The following NRG1 variants were observed in gnomAD, a reference collection of about 807,000 sequenced individuals.
NRG1 encodes pro-neuregulin-1, membrane-bound isoform.
Under a neutral mutation model 63.8 loss-of-function variants are expected in NRG1, and 18 were observed. The observed-to-expected ratio is 0.28, with a 90% confidence interval of 0.19 to 0.42. The LOEUF (loss-of-function observed/expected upper bound fraction) is 0.42. NRG1 is among the 10% of genes least tolerant of loss of function. NRG1 has a pLI of 1.00. For synonymous variants in NRG1, 302 were observed against 301.3 expected, an observed-to-expected ratio of 1.00 and a Z score of -0.02; for missense variants, 762 against 814.7, an observed-to-expected ratio of 0.94 and a Z score of 0.79.
rs1019360590 is a variant in NRG1, at chr8:32,604,317, G to T, written c.279-1245G>T. Among the ~76,000 whole-genome samples, 3 of 152,140 alleles carry T rather than the reference G, an allele frequency of 2.0e-5. No homozygotes were observed. In the South Asian group the frequency reaches 6.2e-4, roughly 32 times the overall value. ...GGGTCTACATGTGGAACTTTGGGTG[G>T]TTCAATCGGATAGACTGGAGGATAC... On this transcript the variant is annotated intron_variant, in intron 2 of 11. Coordinates refer to ENST00000356819, the Ensembl canonical transcript of NRG1.
At chr8:32,442,120 C>A (rs1404534271) in intron 1 of NRG1, among the ~76,000 whole-genome samples, 2 of 152,282 alleles carry the variant, frequency 1.3e-5, no homozygotes, top group Non-Finnish European at 2.9e-5. Context: ...AATGTGATTT[C>A]TTTCTCCATC....
chr8:32,076,325 G>A (rs1339159953), intron 1 of NRG1, among the ~76,000 whole-genome samples: 1 of 152,122 alleles, frequency 6.6e-6, no homozygotes, highest in Non-Finnish European at 1.5e-5. Context: ...TTATCTCTGT[G>A]ACTGATCATG....
intron 5 of NRG1, among the ~76,000 whole-genome samples, chr8:32,660,811 T>C (rs1231023839): frequency 6.6e-6 from 1 of 152,242 alleles, no homozygotes; most frequent in African/African-American, 2.4e-5. Flanking sequence ...AGTCTCTGGC[T>C]CATAGCGCTA....
At chr8:31,847,701 G>A (rs1299372562) in intron 1 of NRG1, among the ~76,000 whole-genome samples, 3 of 152,186 alleles carry the variant, frequency 2.0e-5, no homozygotes, top group African/African-American at 7.2e-5. Context: ...ATTCATGTCT[G>A]TGAAATCCAT....
chr8:31,804,547 C>A (rs1477779987), intron 1 of NRG1, among the ~76,000 whole-genome samples: 2 of 152,074 alleles, frequency 1.3e-5, no homozygotes, highest in East Asian at 1.9e-4. Flanking sequence ...TATATTAGAA[C>A]CTGTTATATA....
chr8:32,175,167 CT>C (rs1333477912), intron 1 of NRG1, among the ~76,000 whole-genome samples: 4 of 152,188 alleles, frequency 2.6e-5, no homozygotes, highest in Admixed American at 2.6e-4. Context: ...GGATGCCAGG[CT>C]GGTTCAACAT....
At chr8:32,122,218 C>A (rs1285343172) in intron 1 of NRG1, among the ~76,000 whole-genome samples, 1 of 151,830 alleles carries the variant, frequency 6.6e-6, no homozygotes, top group Admixed American at 6.6e-5. Flanking sequence ...AACAACAGGC[C>A]AAATACCAGA....
Position 32,268,294 on chromosome 8 carries a change from G to A in NRG1, c.38-327534G>A, listed in dbSNP as rs190057584. On this transcript the variant is annotated intron_variant, in intron 1 of 10. Transcript: ENST00000519301. ...AGCATAACTGAGTCAGGATTCCTAA[G>A]CCACATAACCCGTGAGATAATAAAT... 2.8e-3 allele frequency among the ~76,000 whole-genome samples: 421 copies of A among 152,262 alleles called. 1 individual carries two copies. The highest frequency in any genetic ancestry group is 4.4e-3 in the Non-Finnish European group (297 of 68,020).
intron 1 of NRG1, among the ~76,000 whole-genome samples, chr8:32,397,506 G>C (rs1812593970): frequency 6.9e-6 from 1 of 145,004 alleles, no homozygotes; most frequent in Non-Finnish European, 1.5e-5. Context: ...TATATATGGA[G>C]GCAATCTGAC....
chr8:32,539,404 A>T (rs1213078453), intron 1 of NRG1, among the ~76,000 whole-genome samples: 3 of 152,212 alleles, frequency 2.0e-5, no homozygotes, highest in Non-Finnish European at 4.4e-5. Flanking sequence ...AAGAAGCAAG[A>T]CAGGCGATGA....
At position 32,754,365 on chromosome 8, in the gene NRG1, T is replaced by A. The variant is rs1460517547; in HGVS notation, c.692-7T>A. ...CTGTGATGACATCTGCTCTCATCCC[T>A]TTCCAGAGGCGGAGGAGCTGTACCA... On this transcript the variant is annotated splice_region_variant and splice_polypyrimidine_tract_variant and intron_variant, in intron 7 of 11. Transcript: ENST00000356819. The A allele has an allele frequency of 6.2e-7, 1 of 1,613,358 alleles. No homozygotes were observed. Among genetic ancestry groups the A allele is most frequent in the Non-Finnish European group, 8.5e-7 (1 of 1,179,686 alleles).
chr8:32,495,516 G>C (rs1233936908), intron 1 of NRG1, among the ~76,000 whole-genome samples: 1 of 152,210 alleles, frequency 6.6e-6, no homozygotes, highest in Non-Finnish European at 1.5e-5. Context: ...AGGCTGAAGT[G>C]CAGTGGTGTG....
intron 1 of NRG1, among the ~76,000 whole-genome samples, chr8:32,389,648 T>C (rs553697683): frequency 6.6e-6 from 1 of 152,300 alleles, no homozygotes; most frequent in East Asian, 1.9e-4. Flanking sequence ...GTCTCCTACT[T>C]TCTGGTCTTG....
At chr8:32,618,472 A>G (rs1847771463) in intron 5 of NRG1, among the ~76,000 whole-genome samples, 2 of 152,186 alleles carry the variant, frequency 1.3e-5, no homozygotes, top group Non-Finnish European at 1.5e-5. Flanking sequence ...TATTCATTGC[A>G]TTATCACTGA....
At chr8:31,849,213 C>G (rs1586793454) in intron 1 of NRG1, among the ~76,000 whole-genome samples, 1 of 152,158 alleles carries the variant, frequency 6.6e-6, no homozygotes, top group South Asian at 2.1e-4. Flanking sequence ...GAGTCAAGAA[C>G]AGTTAAGCCA....
chr8:32,451,066 T>G (rs17643260), intron 1 of NRG1, among the ~76,000 whole-genome samples: 26 of 152,274 alleles, frequency 1.7e-4, no homozygotes, highest in African/African-American at 6.3e-4. Context: ...CTTTGGCCTT[T>G]CAAACTATGG....
At chr8:32,086,782 A>G (rs1828284769) in intron 1 of NRG1, among the ~76,000 whole-genome samples, 1 of 152,196 alleles carries the variant, frequency 6.6e-6, no homozygotes, top group Admixed American at 6.5e-5. Context: ...AACTAACTTG[A>G]TGAAATCAAG....
intron 1 of NRG1, among the ~76,000 whole-genome samples, chr8:32,198,383 G>T (rs927183976): frequency 1.3e-5 from 2 of 152,050 alleles, no homozygotes; most frequent in Non-Finnish European, 2.9e-5. Context: ...TCGCCATGTT[G>T]GTCAGGCTGG....
intron 1 of NRG1, among the ~76,000 whole-genome samples, chr8:31,840,225 C>T (rs1179969726): frequency 1.3e-5 from 2 of 152,020 alleles, no homozygotes; most frequent in African/African-American, 4.8e-5. Flanking sequence ...AATGACAAAG[C>T]CAGCCAGTCT....
Sources: allele counts gnomAD v4.1 joint callset (sites outside exome capture counted in the v4.1 genomes callset), GRCh38; gene constraint gnomAD v4.1.1; transcripts MANE v1.5; gene names NCBI Gene and HGNC (gene_info 2026-07-23, HGNC 2026-07-21).